CAPN2: variants seen among roughly 807,000 people sequenced by gnomAD.
CAPN2 encodes the protein calpain-2 catalytic subunit.
Under a neutral mutation model 102.3 loss-of-function variants are expected in CAPN2, and 92 were observed. The ratio of observed to expected loss-of-function variants is 0.90; its 90% CI spans 0.76 to 1.07. The LOEUF is 1.07. Among genes scored for constraint, CAPN2 ranks in the 50% least tolerant of loss-of-function variants. The probability of loss-of-function intolerance (pLI) is 0.00; values close to 1 mark genes in which losing one functional copy is unlikely to be tolerated. For synonymous variants in CAPN2, 340 were observed against 355.4 expected, an observed-to-expected ratio of 0.96 and a Z score of 0.49; for missense variants, 800 against 909.4, an observed-to-expected ratio of 0.88 and a Z score of 1.55.
chr1:223,706,962 C>A (rs1418900397), intron 1 of CAPN2, among the ~76,000 whole-genome samples: 1 of 151,882 alleles, frequency 6.6e-6, no homozygotes, highest in Admixed American at 6.6e-5. Context: ...CCCCTGTAAT[C>A]CCAGCTACTC....
chr1:223,774,726 C>A, intron 20 of CAPN2, 108 bp from the exon 21 acceptor site: 1 of 926,800 alleles, frequency 1.1e-6, no homozygotes, highest in Non-Finnish European at 1.8e-6. Context: ...TTGTAGCCCT[C>A]AATCAGCTTT....
Position 223,755,400 on chromosome 1 carries a change from C to T in CAPN2, c.1136-80C>T, listed in dbSNP as rs2102805901. 2 of 1,458,844 alleles carry T rather than the reference C, an allele frequency of 1.4e-6. No individual in the cohort carries two copies. The highest frequency in any genetic ancestry group is 2.3e-5 in the East Asian group (1 of 43,896). The allele number at this position is 1,458,844 out of a possible 1,614,324, so 90.4% of individuals were successfully genotyped here. A position where few individuals can be genotyped will look rare whatever the true frequency, so the allele number is the denominator to read the frequency against. On this transcript the variant is annotated intron_variant, in intron 9 of 20. Coordinates refer to ENST00000295006, the MANE Select transcript of CAPN2 (RefSeq NM_001748.5). This position sits in a 1 kb window ranked among gnomAD's most constrained non-coding sequence, Gnocchi z 4.1. ...TATCTCCATCCCTCTCAGAAGCCTC[C>T]AAGCCTGAGACCAGGGCCACCCCCC...
chr1:223,753,325 C>T (rs2102804373), intron 9 of CAPN2, among the ~76,000 whole-genome samples: 1 of 152,300 alleles, frequency 6.6e-6, no homozygotes, highest in South Asian at 2.1e-4. Context: ...CTCTATGCAC[C>T]CCACACCCAG....
At chr1:223,771,975 G>A in intron 19 of CAPN2, 50 bp downstream of exon 19, 1 of 1,358,188 alleles carries the variant, frequency 7.4e-7, no homozygotes, top group Non-Finnish European at 1.1e-6. Flanking sequence ...TGGTATTAAA[G>A]TGGCCTGCCT....
intron 1 of CAPN2, among the ~76,000 whole-genome samples, chr1:223,715,077 A>C (rs1659840636): frequency 6.6e-6 from 1 of 152,198 alleles, no homozygotes; most frequent in South Asian, 2.1e-4. Flanking sequence ...TAGTCTGTGC[A>C]TGTTGAGCCT....
Position 223,759,358 on chromosome 1 carries a change from G to A in CAPN2, c.1406G>A (p.Arg469Gln), listed in dbSNP as rs143885626. 158 of 1,614,172 alleles carry A rather than the reference G, an allele frequency of 9.8e-5. No homozygotes were observed. Among genetic ancestry groups the A allele is most frequent in the Middle Eastern group, 3.3e-4 (2 of 6,062 alleles). The change falls in exon 12 of 21, where the codon CGG becomes CAG. Residue 469 changes from arginine to glutamine, a missense_variant. Physicochemically the swap from Arg to Gln is conservative, Grantham distance 43 (BLOSUM62 1). Transcript: ENST00000295006. This position sits in a 1 kb window ranked among gnomAD's most constrained non-coding sequence, Gnocchi z 4.6. Reference protein sequence around the residue: ...RERSDTFINLREVLNRFKLPP... With the variant: ...RERSDTFINLQEVLNRFKLPP... ...CGCTCAGACACCTTCATCAACCTCC[G>A]GGAGGTGCTCAACCGCTTCAAGCTG... is the stretch of plus-strand genomic sequence containing the variant.
chr1:223,705,996 T>C (rs1037428531), intron 1 of CAPN2, among the ~76,000 whole-genome samples: 4 of 152,160 alleles, frequency 2.6e-5, no homozygotes, highest in Non-Finnish European at 5.9e-5. Flanking sequence ...AGACTACATG[T>C]ATTATTAGTA....
In CAPN2 at chr1:223,750,956, A is replaced by ACC. The variant is rs1660871934; in HGVS notation, c.881_882insCC (p.Gly295GlnfsTer14). 6.4e-7 allele frequency: 1 copy of ACC among 1,552,102 alleles called. No individual in the cohort carries two copies. The highest frequency in any genetic ancestry group is 1.4e-5 in the African/African-American group (1 of 73,108). ...AAATCCCTGGGGAGAAGTGGAGTGGACAGGGCGGTGGAATGACAAGTGAGG... is the reference window on the plus strand; with the variant it reads ...AAATCCCTGGGGAGAAGTGGAGTGGACCCAGGGCGGTGGAATGACAAGTGAGG... On this transcript the variant is annotated frameshift_variant, in exon 7 of 21. Coordinates refer to ENST00000295006, the MANE Select transcript of CAPN2 (RefSeq NM_001748.5). LOFTEE classifies it high-confidence loss of function.
At chr1:223,764,288 A>C (rs1284663481) in intron 15 of CAPN2, 81 bp downstream of exon 15, 2 of 1,232,460 alleles carry the variant, frequency 1.6e-6, no homozygotes, top group East Asian at 4.7e-5. Context: ...TTCCCCCTCC[A>C]TGTCTGGCTG....
chr1:223,707,444 C>T (rs1005360110), intron 1 of CAPN2, among the ~76,000 whole-genome samples: 5 of 152,104 alleles, frequency 3.3e-5, no homozygotes, highest in African/African-American at 7.2e-5. Context: ...CTTGTGTTCC[C>T]GTGAAAAGGA....
chr1:223,712,449 A>C, upstream of CAPN2: 1 of 1,123,712 alleles, frequency 8.9e-7, no homozygotes, highest in Non-Finnish European at 1.1e-6. Flanking sequence ...CCGGGCCGGG[A>C]GCCCAGCAGG....
At chr1:223,751,712 C>T (rs1042710345) in intron 7 of CAPN2, among the ~76,000 whole-genome samples, 2 of 152,244 alleles carry the variant, frequency 1.3e-5, no homozygotes, top group East Asian at 1.9e-4. Flanking sequence ...ACTCCATCTC[C>T]CTCTAATGAA....
intron 15 of CAPN2, among the ~76,000 whole-genome samples, chr1:223,765,590 G>A (rs925666618): frequency 6.6e-6 from 1 of 152,178 alleles, no homozygotes; most frequent in Non-Finnish European, 1.5e-5. Context: ...AGCAGCATTC[G>A]CTCCGCGCGT....
rs1661481726 is a variant in CAPN2, at chr1:223,771,858, A to G, written c.1953A>G (p.Ala651=). The G allele has an allele frequency of 6.2e-7, 1 of 1,614,178 alleles. No individual in the cohort carries two copies. Among genetic ancestry groups the G allele is most frequent in the Non-Finnish European group, 8.5e-7 (1 of 1,180,010 alleles). ...ACCAAGTCATCGTTGCTCGGTTTGCAGATGACCAGCTCATCATCGATTTTG... is the reference window on the plus strand; with the variant it reads ...ACCAAGTCATCGTTGCTCGGTTTGCGGATGACCAGCTCATCATCGATTTTG... ...QLHQVIVARF[A]DDQLIIDFDN... The change falls in exon 19 of 21, where the codon GCA becomes GCG. Residue 651 remains alanine, a synonymous_variant. Coordinates refer to ENST00000295006, the MANE Select transcript of CAPN2 (RefSeq NM_001748.5).
At chr1:223,758,989 CAAAAGT>C in intron 11 of CAPN2, 1 of 442,208 alleles carries the variant, frequency 2.3e-6, no homozygotes, top group East Asian at 4.6e-5. Context: ...CCACACCTAA[CAAAAGT>C]TTGCTTTTTA....
At chr1:223,704,456 T>C (rs1659556509) in intron 1 of CAPN2, among the ~76,000 whole-genome samples, 1 of 152,228 alleles carries the variant, frequency 6.6e-6, no homozygotes, top group African/African-American at 2.4e-5. Flanking sequence ...ACTCGAGCTA[T>C]ATTTGTAAGT....
intron 13 of CAPN2, 41 bp from the exon 14 acceptor site, chr1:223,762,145 C>G: frequency 1.9e-6 from 3 of 1,571,320 alleles, no homozygotes; most frequent in Non-Finnish European, 2.6e-6. Context: ...GGTGTCATGC[C>G]TCGCTCTGAT....
chr1:223,772,441 A>G, intron 20 of CAPN2: 2 of 542,660 alleles, frequency 3.7e-6, no homozygotes, highest in South Asian at 5.3e-5. Flanking sequence ...TCAAGTCCAA[A>G]ATGCACGCCT....
intron 6 of CAPN2, chr1:223,749,339 G>C: frequency 1.7e-6 from 1 of 592,522 alleles, no homozygotes; most frequent in Non-Finnish European, 3.0e-6. Flanking sequence ...CGCAGTGGCC[G>C]GCGCCAGGGG....
Sources: gnomAD v4.1 joint callset for allele counts (sites outside exome capture counted in the v4.1 genomes callset) on GRCh38, gnomAD v4.1.1 for gene constraint, Gnocchi (gnomAD v3.1) non-coding constraint, MANE v1.5 for transcripts, NCBI Gene and HGNC (gene_info 2026-07-23, HGNC 2026-07-21) for gene names.